GALNT18: variants seen among roughly 807,000 people sequenced by gnomAD.
The protein encoded by GALNT18 is GalNAc-transferase 18.
Under a neutral mutation model 69.5 loss-of-function variants are expected in GALNT18, and 44 were observed. The observed-to-expected ratio is 0.63, with a 90% confidence interval of 0.50 to 0.81. The LOEUF (loss-of-function observed/expected upper bound fraction) is 0.81, where lower values mean the gene tolerates loss of function less well. GALNT18 is among the 40% of genes least tolerant of loss of function. The pLI is 0.00. For synonymous variants in GALNT18, 364 were observed against 318.2 expected, an observed-to-expected ratio of 1.14 and a Z score of -1.53; for missense variants, 715 against 810.0, an observed-to-expected ratio of 0.88 and a Z score of 1.42.
intron 1 of GALNT18, among the ~76,000 whole-genome samples, chr11:11,560,686 G>A (rs968634421): frequency 9.2e-5 from 14 of 152,198 alleles, no homozygotes; most frequent in Non-Finnish European, 2.1e-4. Flanking sequence ...ACCACACAGG[G>A]TACTGACCCC....
chr11:11,282,594 C>A (rs1849104451), intron 10 of GALNT18, among the ~76,000 whole-genome samples: 2 of 152,128 alleles, frequency 1.3e-5, no homozygotes, highest in Non-Finnish European at 2.9e-5. Flanking sequence ...TGGTGGCCAG[C>A]CCCAGCCCTT....
Position 11,340,379 on chromosome 11 carries a change from C to T in GALNT18, c.1278+440G>A, listed in dbSNP as rs192852779. 1.3e-5 allele frequency among the ~76,000 whole-genome samples: 2 copies of T among 150,790 alleles called. No homozygotes were observed. The highest frequency in any genetic ancestry group is 3.9e-4 in the East Asian group (2 of 5,104). ...CTGAAAGGCATGTGGATCTTTATAA[C>T]TCTGGTCAAAGGTTCAATGGAGAAG... On this transcript the variant is annotated intron_variant, in intron 7 of 10. Coordinates refer to ENST00000227756, the MANE Select transcript of GALNT18 (RefSeq NM_198516.3). The surrounding 1 kb of genome is among the most constrained non-coding windows in gnomAD (Gnocchi z 4.2).
chr11:11,621,774 C>G lies in GALNT18; in HGVS notation c.-181G>C, dbSNP rs1860200404. The G allele has an allele frequency of 1.7e-6, 1 of 600,140 alleles. No individual in the cohort carries two copies. The highest frequency in any genetic ancestry group is 2.8e-5 in the East Asian group (1 of 36,018). The allele number at this position is 600,140 out of a possible 1,614,324, so 37.2% of individuals were successfully genotyped here. On this transcript the variant is annotated 5_prime_UTR_variant, in exon 1 of 11. Coordinates refer to ENST00000227756, the MANE Select transcript of GALNT18 (RefSeq NM_198516.3). The surrounding 1 kb of genome is among the most constrained non-coding windows in gnomAD (Gnocchi z 9.3). ...AGCCGCCGTGCCCAAGTTTGCAGCT[C>G]CTGCCGCTGGCCACCCGGAGAGACC...
At position 11,542,837 on chromosome 11, in the gene GALNT18, G is replaced by A. The variant is rs2133958056; in HGVS notation, c.235+78522C>T. On this transcript the variant is annotated intron_variant, in intron 1 of 10. Transcript: ENST00000227756. The surrounding 1 kb of genome is among the most constrained non-coding windows in gnomAD (Gnocchi z 4.3). ...CACTTTGGTGCTAAGGTTTTGTTTT[G>A]TTTTGCTTTGCTTTGCTTTGCTTTC... 6.6e-6 allele frequency among the ~76,000 whole-genome samples: 1 copy of A among 152,298 alleles called. No homozygotes were observed. The highest frequency in any genetic ancestry group is 2.4e-5 in the African/African-American group (1 of 41,558).
intron 1 of GALNT18, among the ~76,000 whole-genome samples, chr11:11,599,125 G>A (rs1353436860): frequency 1.3e-5 from 2 of 151,828 alleles, no homozygotes; most frequent in East Asian, 3.9e-4. Context: ...TTATACTTTT[G>A]TTCAAGTCTT....
At chr11:11,342,578 T>C (rs977767290) in intron 6 of GALNT18, among the ~76,000 whole-genome samples, 1 of 152,230 alleles carries the variant, frequency 6.6e-6, no homozygotes, top group Non-Finnish European at 1.5e-5. Context: ...AGTTGGAAGG[T>C]GGCTTACTGA....
chr11:11,549,024 C>T (rs948653119), intron 1 of GALNT18, among the ~76,000 whole-genome samples: 16 of 152,194 alleles, frequency 1.1e-4, no homozygotes, highest in Non-Finnish European at 1.3e-4. Context: ...TAAATTTTGG[C>T]GTGCCTATGT....
chr11:11,353,102 T>C, intron 6 of GALNT18: 2 of 1,614,156 alleles, frequency 1.2e-6, no homozygotes, highest in South Asian at 2.2e-5. Context: ...TGGCCCTGCT[T>C]GGCACGGGTC....
chr11:11,414,972 T>C (rs1854819741), intron 3 of GALNT18, among the ~76,000 whole-genome samples: 1 of 152,218 alleles, frequency 6.6e-6, no homozygotes, highest in South Asian at 2.1e-4. Context: ...CTCTTTGAGA[T>C]TGACTCGTTG....
chr11:11,434,852 C>G (rs1258266935), intron 2 of GALNT18, among the ~76,000 whole-genome samples: 1 of 152,140 alleles, frequency 6.6e-6, no homozygotes, highest in Non-Finnish European at 1.5e-5. Flanking sequence ...ATTTTTAGAA[C>G]AGCAATTAAA....
At chr11:11,345,615 C>G (rs932030466) in intron 6 of GALNT18, among the ~76,000 whole-genome samples, 1 of 151,820 alleles carries the variant, frequency 6.6e-6, no homozygotes, top group Non-Finnish European at 1.5e-5. Flanking sequence ...AGAGCAAGCC[C>G]CAAACCAGAG....
chr11:11,488,376 C>A (rs563001975), intron 1 of GALNT18, among the ~76,000 whole-genome samples: 3 of 152,038 alleles, frequency 2.0e-5, no homozygotes, highest in Non-Finnish European at 4.4e-5. Flanking sequence ...TCGAATCCTT[C>A]TCGCATTGAA....
intron 1 of GALNT18, among the ~76,000 whole-genome samples, chr11:11,531,136 G>A (rs886267498): frequency 6.6e-6 from 1 of 152,174 alleles, no homozygotes; most frequent in African/African-American, 2.4e-5. Context: ...GACACTACAC[G>A]AGGATTTATT....
At position 11,415,896 on chromosome 11, in the gene GALNT18, A is replaced by G. The variant is rs1854845725; in HGVS notation, c.595+16725T>C. ...TATGGAGTACACAGGTCTAGAGGGCAGCAGCTGGGCACCTAAGACTGTGGG... is the reference window on the plus strand; with the variant it reads ...TATGGAGTACACAGGTCTAGAGGGCGGCAGCTGGGCACCTAAGACTGTGGG... On this transcript the variant is annotated intron_variant, in intron 3 of 10. Transcript: ENST00000227756. The surrounding 1 kb of genome is among the most constrained non-coding windows in gnomAD (Gnocchi z 4.1). Among the ~76,000 whole-genome samples, 1 of 152,236 alleles carries G rather than the reference A, an allele frequency of 6.6e-6. No homozygotes were observed. The highest frequency in any genetic ancestry group is 6.5e-5 in the Admixed American group (1 of 15,286).
chr11:11,355,394 G>A (rs925348095), intron 6 of GALNT18, among the ~76,000 whole-genome samples: 1 of 152,048 alleles, frequency 6.6e-6, no homozygotes, highest in African/African-American at 2.4e-5. Flanking sequence ...TTGGAGATGG[G>A]GCATTTAAGG....
rs545290895 is a variant in GALNT18, at chr11:11,294,288, G to A, written c.1513-1095C>T. On this transcript the variant is annotated intron_variant, in intron 9 of 10. Coordinates refer to ENST00000227756, the MANE Select transcript of GALNT18 (RefSeq NM_198516.3). ...GAAATGCTGTCTACCAGAGAATTAC[G>A]TTAGAGACGCAGCACCAGGGTTTTT... 8.5e-5 allele frequency among the ~76,000 whole-genome samples: 13 copies of A among 152,292 alleles called. No homozygotes were observed. In the East Asian group the frequency reaches 2.1e-3, roughly 25 times the overall value.
At position 11,505,666 on chromosome 11, in the gene GALNT18, C is replaced by T. The variant is rs1156724393; in HGVS notation, c.236-56730G>A. 6.6e-6 allele frequency among the ~76,000 whole-genome samples: 1 copy of T among 152,196 alleles called. No homozygotes were observed. The highest frequency in any genetic ancestry group is 2.4e-5 in the African/African-American group (1 of 41,454). Reference sequence around the variant, plus strand: ...AGATTTCCATTGCCTTCCTCCTCACCAGATTCAGAAGTCCCCATTCTGATT... The same window carrying T: ...AGATTTCCATTGCCTTCCTCCTCACTAGATTCAGAAGTCCCCATTCTGATT... On this transcript the variant is annotated intron_variant, in intron 1 of 10. Coordinates refer to ENST00000227756, the MANE Select transcript of GALNT18 (RefSeq NM_198516.3). This position sits in a 1 kb window ranked among gnomAD's most constrained non-coding sequence, Gnocchi z 4.6.
rs775899267 is a variant in GALNT18, at chr11:11,617,065, A to G, written c.235+4294T>C. ...AATGAATTTTAAAGAAAACAGAACTATGGGATATTATGGGAGTGGTTTGTG... is the reference window on the plus strand; with the variant it reads ...AATGAATTTTAAAGAAAACAGAACTGTGGGATATTATGGGAGTGGTTTGTG... On this transcript the variant is annotated intron_variant, in intron 1 of 10. Coordinates refer to ENST00000227756, the MANE Select transcript of GALNT18 (RefSeq NM_198516.3). The surrounding 1 kb of genome is among the most constrained non-coding windows in gnomAD (Gnocchi z 4.7). Among the ~76,000 whole-genome samples, 10 of 151,730 alleles carry G rather than the reference A, an allele frequency of 6.6e-5. No homozygotes were observed. Among genetic ancestry groups the G allele is most frequent in the Non-Finnish European group, 1.0e-4 (7 of 68,036 alleles).
intron 9 of GALNT18, 127 bp downstream of exon 9, chr11:11,326,959 G>T: frequency 1.5e-6 from 1 of 671,176 alleles, no homozygotes. Flanking sequence ...AGCCCCAGAG[G>T]CCCCTGGTCC....
Sources: allele counts gnomAD v4.1 joint callset (sites outside exome capture counted in the v4.1 genomes callset), GRCh38; gene constraint gnomAD v4.1.1; non-coding constraint Gnocchi (gnomAD v3.1); transcripts MANE v1.5; gene names NCBI Gene and HGNC (gene_info 2026-07-23, HGNC 2026-07-21).